The following NEK6 variants were observed in gnomAD, a reference collection of about 807,000 sequenced individuals.
The protein encoded by NEK6 is NIMA related kinase 6.
Under a neutral mutation model 43.5 loss-of-function variants are expected in NEK6, and 27 were observed. The ratio of observed to expected loss-of-function variants is 0.62; its 90% confidence interval spans 0.46 to 0.86. NEK6 has a LOEUF of 0.86. Among genes scored for constraint, NEK6 ranks in the 40% least tolerant of loss-of-function variants. The probability of loss-of-function intolerance (pLI) is 0.00; values close to 1 mark genes in which losing one functional copy is unlikely to be tolerated. For missense variants in NEK6, 318 were observed against 414.4 expected, an observed-to-expected ratio of 0.77 and a Z score of 2.02; for synonymous variants, 167 against 164.1, an observed-to-expected ratio of 1.02 and a Z score of -0.14.
intron 1 of NEK6, 43 bp downstream of exon 1, chr9:124,258,128 G>A (rs1166599319): frequency 2.0e-6 from 2 of 978,712 alleles, no homozygotes; most frequent in Non-Finnish European, 2.4e-6. Context: ...GGGCCCCGCG[G>A]CCCGGAGAAG....
At chr9:124,302,225 C>G (rs922816923) in intron 2 of NEK6, among the ~76,000 whole-genome samples, 171 bp downstream of exon 2, 2 of 152,158 alleles carry the variant, frequency 1.3e-5, no homozygotes, top group Admixed American at 6.5e-5. Context: ...GTGAGCTCAT[C>G]GTTGAATTCA....
intron 8 of NEK6, 135 bp downstream of exon 8, chr9:124,339,800 A>T (rs898889248): frequency 8.7e-6 from 6 of 687,884 alleles, no homozygotes; most frequent in African/African-American, 5.2e-5. Flanking sequence ...CGGTACCACC[A>T]GGGCCCTGTC....
intron 4 of NEK6, among the ~76,000 whole-genome samples, chr9:124,319,662 T>C (rs1056894363): frequency 6.6e-6 from 1 of 152,236 alleles, no homozygotes; most frequent in African/African-American, 2.4e-5. Context: ...CGTTTCATTC[T>C]TCTGCATATA....
intron 1 of NEK6, among the ~76,000 whole-genome samples, chr9:124,294,013 G>C (rs1370401940): frequency 6.6e-6 from 1 of 152,210 alleles, no homozygotes; most frequent in African/African-American, 2.4e-5. Context: ...TCCTTTTTGT[G>C]GATGGGGACG....
At position 124,272,326 on chromosome 9, in the gene NEK6, A is replaced by G. The variant is rs183558954; in HGVS notation, c.-30+14241A>G. On this transcript the variant is annotated intron_variant, in intron 1 of 9. Transcript: ENST00000320246. ...ACAGATCCAGGCGCTCTGCTGAGATACAGTAATGAGCCCCAGGCATGAAGT... is the reference window on the plus strand; with the variant it reads ...ACAGATCCAGGCGCTCTGCTGAGATGCAGTAATGAGCCCCAGGCATGAAGT... Among the ~76,000 whole-genome samples the G allele has an allele frequency of 1.9e-3, 291 of 152,322 alleles. 1 individual carries two copies. The highest frequency in any genetic ancestry group is 6.7e-3 in the African/African-American group (277 of 41,574).
intron 1 of NEK6, among the ~76,000 whole-genome samples, chr9:124,296,530 C>T (rs1832696963): frequency 6.6e-6 from 1 of 152,138 alleles, no homozygotes; most frequent in African/African-American, 2.4e-5. Context: ...GACCCCTGAT[C>T]ATGCCTGTGC....
intron 2 of NEK6, among the ~76,000 whole-genome samples, chr9:124,303,906 C>T (rs527753853): frequency 6.6e-6 from 1 of 152,394 alleles, no homozygotes; most frequent in South Asian, 2.1e-4. Flanking sequence ...TAATTACAAC[C>T]TCATTTGGCA....
intron 9 of NEK6, among the ~76,000 whole-genome samples, chr9:124,350,583 A>C (rs1830212766): frequency 6.6e-6 from 1 of 152,162 alleles, no homozygotes; most frequent in South Asian, 2.1e-4. Context: ...TTGGAGGTTA[A>C]CCATTCTTAG....
chr9:124,313,847 G>A, intron 3 of NEK6, 76 bp from the exon 4 acceptor site: 2 of 1,480,912 alleles, frequency 1.4e-6, no homozygotes, highest in East Asian at 2.3e-5. Flanking sequence ...GGACTGGAAA[G>A]CAGACCCCGT....
chr9:124,331,763 T>G (rs541462371), intron 7 of NEK6, among the ~76,000 whole-genome samples: 1 of 152,224 alleles, frequency 6.6e-6, no homozygotes, highest in East Asian at 1.9e-4. Context: ...TGTGGAACAT[T>G]TGCTGAGTGG....
chr9:124,327,393 C>T lies in NEK6; in HGVS notation c.570C>T (p.Asp190=), dbSNP rs1234269295. 6.2e-7 allele frequency: 1 copy of T among 1,613,844 alleles called. No homozygotes were observed. Among genetic ancestry groups the T allele is most frequent in the East Asian group, 2.2e-5 (1 of 44,888 alleles). ...ITATGVVKLG[D]LGLGRFFSSE... ...CCACGGGCGTCGTGAAGCTCGGTGACCTTGGTCTGGGCCGCTTCTTCAGCT... is the reference window on the plus strand; with the variant it reads ...CCACGGGCGTCGTGAAGCTCGGTGATCTTGGTCTGGGCCGCTTCTTCAGCT... Residue 190 remains aspartate, a synonymous_variant, in exon 7 of 10, where the codon GAC becomes GAT. Coordinates refer to ENST00000320246, the MANE Select transcript of NEK6 (RefSeq NM_014397.6).
chr9:124,257,827 A>G, upstream of NEK6: 2 of 1,163,618 alleles, frequency 1.7e-6, no homozygotes, highest in Non-Finnish European at 2.2e-6. Context: ...AGGCCCAGGA[A>G]GGACGCCGCC....
intron 1 of NEK6, among the ~76,000 whole-genome samples, chr9:124,264,191 C>G (rs1164090028): frequency 6.6e-6 from 1 of 152,198 alleles, no homozygotes; most frequent in Non-Finnish European, 1.5e-5. Context: ...TTTCCTGAGC[C>G]GGTGGAGAGA....
chr9:124,341,526 G>GGT (rs1829628279), intron 8 of NEK6, among the ~76,000 whole-genome samples: 1 of 152,178 alleles, frequency 6.6e-6, no homozygotes, highest in Non-Finnish European at 1.5e-5. Context: ...AAGCAGGCCG[G>GGT]GTGCTCTTTC....
intron 1 of NEK6, chr9:124,292,353 C>A: frequency 6.7e-7 from 1 of 1,490,874 alleles, no homozygotes; most frequent in Admixed American, 2.2e-5. Context: ...TTGAGTAATC[C>A]CTGGGCTTGG....
chr9:124,273,475 C>A (rs1216056036), intron 1 of NEK6, among the ~76,000 whole-genome samples: 1 of 152,230 alleles, frequency 6.6e-6, no homozygotes, highest in African/African-American at 2.4e-5. Context: ...TGACAGCGGG[C>A]AGTCAGGGCA....
intron 1 of NEK6, among the ~76,000 whole-genome samples, chr9:124,280,486 G>A (rs1026996659): frequency 2.6e-5 from 4 of 152,230 alleles, no homozygotes; most frequent in African/African-American, 9.6e-5. Context: ...GCAGCGCCTG[G>A]AGTTGCTGGA....
At chr9:124,281,873 AT>A (rs1831929144) in intron 1 of NEK6, among the ~76,000 whole-genome samples, 2 of 152,248 alleles carry the variant, frequency 1.3e-5, no homozygotes, top group South Asian at 4.1e-4. Flanking sequence ...CTGGCAACCT[AT>A]GTCTATCTTC....
intron 8 of NEK6, among the ~76,000 whole-genome samples, chr9:124,342,719 G>A (rs1829706425): frequency 6.6e-6 from 1 of 152,252 alleles, no homozygotes; most frequent in Non-Finnish European, 1.5e-5. Flanking sequence ...TTCCTCATGT[G>A]TCTTGTCCCT....
Sources: allele counts gnomAD v4.1 joint callset (sites outside exome capture counted in the v4.1 genomes callset), GRCh38; gene constraint gnomAD v4.1.1; transcripts MANE v1.5; gene names NCBI Gene and HGNC (gene_info 2026-07-23, HGNC 2026-07-21).